The following NDUFV2 variants were observed in gnomAD, a reference collection of about 807,000 sequenced individuals.
NDUFV2 encodes NADH dehydrogenase [ubiquinone] flavoprotein 2, mitochondrial.
Under a neutral mutation model 31.6 loss-of-function variants are expected in NDUFV2, and 18 were observed. That is an observed-to-expected ratio of 0.57 (90% CI 0.39 to 0.84). The LOEUF is 0.84. NDUFV2 is among the 40% of genes least tolerant of loss of function. NDUFV2 has a pLI of 0.00. For synonymous variants in NDUFV2, 83 were observed against 99.8 expected (o/e 0.83, Z 1.01); for missense variants, 314 against 303.6 (o/e 1.03, Z -0.26).
At position 9,129,729 on chromosome 18, in the gene NDUFV2, AGT is replaced by A. The variant is rs750001938; in HGVS notation, c.656+2823_656+2824del. ...GGTCCTGGAAGAAAAGTAAGGTAAC[AGT>A]ATGGCTGCAGTGAGGTGCTCAAGCA... On this transcript the variant is annotated intron_variant, in intron 7 of 7. Coordinates refer to ENST00000318388, the MANE Select transcript of NDUFV2 (RefSeq NM_021074.5). Among the ~76,000 whole-genome samples, 4 of 152,162 alleles carry A rather than the reference AGT, an allele frequency of 2.6e-5. No homozygotes were observed. In the South Asian group the frequency reaches 8.3e-4, roughly 31 times the overall value.
intron 1 of NDUFV2, among the ~76,000 whole-genome samples, chr18:9,106,006 T>A (rs1439054502): frequency 6.6e-6 from 1 of 152,204 alleles, no homozygotes; most frequent in Non-Finnish European, 1.5e-5. Flanking sequence ...AGGCTCTAGA[T>A]CCTGTTTTAT....
intron 6 of NDUFV2, among the ~76,000 whole-genome samples, chr18:9,125,853 G>C (rs12457266): frequency 0.11 from 16,535 of 152,062 alleles, 1,042 homozygotes; most frequent in African/African-American, 0.16. Flanking sequence ...CTGTTCCTCC[G>C]GTGTGAAAGG....
At chr18:9,125,445 T>G (rs1392562612) in intron 6 of NDUFV2, among the ~76,000 whole-genome samples, 1 of 152,140 alleles carries the variant, frequency 6.6e-6, no homozygotes, top group African/African-American at 2.4e-5. Flanking sequence ...GTATGGCTTT[T>G]TAAAAAAATT....
rs771897446 is a variant in NDUFV2, at chr18:9,124,982, A to G, written c.578A>G (p.Tyr193Cys). The G allele has an allele frequency of 5.0e-6, 8 of 1,613,114 alleles. No individual in the cohort carries two copies. Among genetic ancestry groups the G allele is most frequent in the South Asian group, 4.4e-5 (4 of 91,040 alleles). ...ATGGTTCAAATAAATGACAATTACT[A>G]TGTGAGTATTTCAGGTAATACAAGT... ...APMVQINDNYYEDLTAKDIEE... is the reference protein window; with the variant it reads ...APMVQINDNYCEDLTAKDIEE... Residue 193 changes from tyrosine to cysteine, a missense_variant and splice_region_variant, in exon 6 of 8, where the codon TAT becomes TGT. Coordinates refer to ENST00000318388, the MANE Select transcript of NDUFV2 (RefSeq NM_021074.5).
chr18:9,124,811 T>A, intron 5 of NDUFV2, 63 bp from the exon 6 acceptor site: 5 of 1,473,310 alleles, frequency 3.4e-6, no homozygotes, highest in Non-Finnish European at 3.7e-6. Context: ...CTTTTTTTTT[T>A]TTTTAAACCA....
intron 1 of NDUFV2, among the ~76,000 whole-genome samples, chr18:9,109,411 C>T (rs1315154886): frequency 6.6e-6 from 1 of 152,178 alleles, no homozygotes; most frequent in African/African-American, 2.4e-5. Flanking sequence ...TTATTAACTT[C>T]TCTTAGCTGG....
rs199560855 is a variant in NDUFV2 at position 9,122,588 on chromosome 18, C to A, written c.376C>A (p.Pro126Thr). The change falls in exon 5 of 8, where the codon CCA becomes ACA. Residue 126 changes from proline to threonine, a missense_variant. Coordinates refer to ENST00000318388, the MANE Select transcript of NDUFV2 (RefSeq NM_021074.5). ...TTTTTATACAATGTATAATCGAAAGCCAGTTGGAAAGTATCACATTCAGGT... is the reference window on the plus strand; with the variant it reads ...TTTTTATACAATGTATAATCGAAAGACAGTTGGAAAGTATCACATTCAGGT... ...ATFYTMYNRK[P>T]VGKYHIQVCT... 1 of 1,613,980 alleles carries A rather than the reference C, an allele frequency of 6.2e-7. No homozygotes were observed. The highest frequency in any genetic ancestry group is 1.3e-5 in the African/African-American group (1 of 75,014).
At chr18:9,105,753 G>A (rs2077838532) in intron 1 of NDUFV2, among the ~76,000 whole-genome samples, 1 of 152,162 alleles carries the variant, frequency 6.6e-6, no homozygotes, top group Non-Finnish European at 1.5e-5. Flanking sequence ...TCATACAGTT[G>A]TAAAGTTGGG....
intron 7 of NDUFV2, 147 bp downstream of exon 7, chr18:9,127,054 C>T (rs2077997383): frequency 1.4e-6 from 1 of 727,590 alleles, no homozygotes; most frequent in Non-Finnish European, 2.4e-6. Context: ...TCATCTAGAG[C>T]AAGAATAATT....
At chr18:9,133,025 C>T (rs2078053944) in intron 7 of NDUFV2, among the ~76,000 whole-genome samples, 1 of 152,068 alleles carries the variant, frequency 6.6e-6, no homozygotes, top group African/African-American at 2.4e-5. Context: ...TGAACAAGAC[C>T]TATAATCCAA....
chr18:9,116,584 A>G (rs1296235117), intron 1 of NDUFV2, among the ~76,000 whole-genome samples: 2 of 152,158 alleles, frequency 1.3e-5, no homozygotes, highest in Non-Finnish European at 2.9e-5. Flanking sequence ...CCTGAAATTG[A>G]TATTTATCAC....
At chr18:9,112,101 C>T (rs908952934) in intron 1 of NDUFV2, among the ~76,000 whole-genome samples, 1 of 150,642 alleles carries the variant, frequency 6.6e-6, no homozygotes, top group African/African-American at 2.5e-5. Context: ...TCACTGCAAC[C>T]TCCACCTCCT....
intron 1 of NDUFV2, chr18:9,103,339 C>T (rs573623534): frequency 5.1e-6 from 2 of 391,256 alleles, no homozygotes; most frequent in African/African-American, 4.1e-5. Context: ...CAAACTAACT[C>T]TGAAAGAACG....
intron 7 of NDUFV2, among the ~76,000 whole-genome samples, chr18:9,130,347 T>C (rs2078029469): frequency 6.6e-6 from 1 of 152,248 alleles, no homozygotes; most frequent in Admixed American, 6.5e-5. Context: ...TCAGTAATCA[T>C]GAATAGTTTT....
At chr18:9,117,743 T>C in intron 1 of NDUFV2, 95 bp from the exon 2 acceptor site, 1 of 741,732 alleles carries the variant, frequency 1.3e-6, no homozygotes, top group Non-Finnish European at 2.4e-6. Context: ...ATAAGTTGAT[T>C]CCATTGTTGT....
chr18:9,131,632 A>G (rs1340245819), intron 7 of NDUFV2, among the ~76,000 whole-genome samples: 2 of 152,238 alleles, frequency 1.3e-5, no homozygotes, highest in Non-Finnish European at 2.9e-5. Flanking sequence ...AGTAAAAAGC[A>G]CTAAACTTTT....
chr18:9,110,590 C>T (rs1198539696), intron 1 of NDUFV2, among the ~76,000 whole-genome samples: 1 of 152,194 alleles, frequency 6.6e-6, no homozygotes, highest in East Asian at 1.9e-4. Flanking sequence ...TCGCTGCAAC[C>T]TCAACCTCTT....
chr18:9,119,434 T>C (rs1302183111), intron 3 of NDUFV2, 40 bp from the exon 4 acceptor site: 1 of 1,605,104 alleles, frequency 6.2e-7, no homozygotes, highest in Non-Finnish European at 8.5e-7. Flanking sequence ...ATAGGTAATA[T>C]TTTCTAGATG....
Position 9,122,640 on chromosome 18 carries a change from G to A in NDUFV2, c.428G>A (p.Arg143Gln), listed in dbSNP as rs148158107. 54 of 1,610,910 alleles carry A rather than the reference G, an allele frequency of 3.4e-5. 1 individual carries two copies. Among genetic ancestry groups the A allele is most frequent in the African/African-American group, 9.4e-5 (7 of 74,848 alleles). Residue 143 changes from arginine (R) to glutamine (Q), a missense_variant, in exon 5 of 8, where the codon CGA becomes CAA. Physicochemically the swap from Arg to Gln is conservative, Grantham distance 43. Transcript: ENST00000318388. ...TGCACTACTACACCCTGCATGCTTC[G>A]AAACTCTGACAGCATACTGGAGGCC... is the stretch of plus-strand genomic sequence containing the variant. ...QVCTTTPCML[R>Q]NSDSILEAIQ...
Sources: allele counts gnomAD v4.1 joint callset (sites outside exome capture counted in the v4.1 genomes callset), GRCh38; gene constraint gnomAD v4.1.1; transcripts MANE v1.5; gene names NCBI Gene and HGNC (gene_info 2026-07-23, HGNC 2026-07-21).